Variants in BEND4 observed in about 807,000 individuals in gnomAD.
The protein encoded by BEND4 is BEN domain containing 4, also known as BEN domain-containing protein 4.
BEND4 carries 27 observed loss-of-function variants against 54.7 expected under a neutral mutation model. That is an observed-to-expected ratio of 0.49 (90% CI 0.36 to 0.68). The LOEUF (loss-of-function observed/expected upper bound fraction) is 0.68. BEND4 is among the 30% of genes least tolerant of loss of function. The pLI is 0.00. For missense variants in BEND4, 702 were observed against 697.2 expected, an observed-to-expected ratio of 1.01 and a Z score of -0.08; for synonymous variants, 327 against 299.5, an observed-to-expected ratio of 1.09 and a Z score of -0.95.
At chr4:42,120,719 G>A (rs1720022936) in intron 4 of BEND4, among the ~76,000 whole-genome samples, 1 of 152,068 alleles carries the variant, frequency 6.6e-6, no homozygotes, top group Admixed American at 6.5e-5. Context: ...TGATGCTGGT[G>A]ATCTATTTTA....
chr4:42,148,121 T>C (rs1044654672), intron 2 of BEND4, among the ~76,000 whole-genome samples: 1 of 150,888 alleles, frequency 6.6e-6, no homozygotes, highest in Non-Finnish European at 1.5e-5. Context: ...TCAAAATAGA[T>C]GATTTCCTTA....
At chr4:42,133,202 C>T (rs1720567928) in intron 3 of BEND4, among the ~76,000 whole-genome samples, 2 of 152,292 alleles carry the variant, frequency 1.3e-5, no homozygotes, top group Non-Finnish European at 2.9e-5. Context: ...GTTGACTGTG[C>T]CACCTTGGCA....
At chr4:42,147,060 G>C (rs60470232) in intron 2 of BEND4, among the ~76,000 whole-genome samples, 9,603 of 152,222 alleles carry the variant, frequency 0.063, 1,012 homozygotes, top group African/African-American at 0.22. Context: ...CTCAGAATAT[G>C]AGAGAATAGT....
Position 42,146,944 on chromosome 4 carries a change from G to C in BEND4, c.488-2950C>G, listed in dbSNP as rs1036875725. On this transcript the variant is annotated intron_variant, in intron 2 of 5. Coordinates refer to ENST00000502486, the MANE Select transcript of BEND4 (RefSeq NM_207406.4). The stretch of plus-strand genomic sequence containing the variant: ...TTTTAAGGGAAAAAAATCTGACTTA[G>C]GGACAAGCGTGATTTGTTTTCTTAA... Among the ~76,000 whole-genome samples the C allele has an allele frequency of 1.2e-4, 19 of 152,268 alleles. 1 individual carries two copies. The East Asian group carries it at 2.9e-3, about 23-fold the overall frequency.
chr4:42,115,785 T>G lies in BEND4; in HGVS notation c.*1733A>C, dbSNP rs1462215589. The G allele has an allele frequency of 1.3e-5, 2 of 152,252 alleles. No homozygotes were observed. The highest frequency in any genetic ancestry group is 4.8e-5 in the African/African-American group (2 of 41,468). 9.4% of individuals were successfully genotyped at this position (152,252 alleles called of 1,614,324 possible). On this transcript the variant is annotated 3_prime_UTR_variant, in exon 6 of 6. Coordinates refer to ENST00000502486, the MANE Select transcript of BEND4 (RefSeq NM_207406.4). ...GAACATGGCATTTGCCCATATCATT[T>G]CTTTTACTTCCAAATTTTAGCTAAT...
chr4:42,145,194 T>C (rs1282689623), intron 2 of BEND4, among the ~76,000 whole-genome samples: 1 of 152,136 alleles, frequency 6.6e-6, no homozygotes, highest in Non-Finnish European at 1.5e-5. Context: ...AGGGCTGCTA[T>C]GGGAAAAATA....
chr4:42,125,697 A>G, intron 3 of BEND4, 23 bp from the exon 4 acceptor site: 3 of 1,454,858 alleles, frequency 2.1e-6, no homozygotes, highest in Non-Finnish European at 2.8e-6. Context: ...AATGGCAACA[A>G]TTACACATTG....
At chr4:42,146,349 G>A (rs1172081723) in intron 2 of BEND4, among the ~76,000 whole-genome samples, 2 of 152,204 alleles carry the variant, frequency 1.3e-5, no homozygotes, top group Non-Finnish European at 2.9e-5. Flanking sequence ...TCCAAACCTG[G>A]TTACTGTGAA....
At chr4:42,139,004 T>C (rs2153146729) in intron 3 of BEND4, among the ~76,000 whole-genome samples, 1 of 152,306 alleles carries the variant, frequency 6.6e-6, no homozygotes, top group South Asian at 2.1e-4. Flanking sequence ...TGCCCTCTTT[T>C]ATGAGTTCTC....
chr4:42,135,354 ATTTCT>A (rs1478820947), intron 3 of BEND4, among the ~76,000 whole-genome samples: 1 of 152,236 alleles, frequency 6.6e-6, no homozygotes, highest in Non-Finnish European at 1.5e-5. Flanking sequence ...ACAACTTATG[ATTTCT>A]GGAGCACTAG....
chr4:42,143,148 T>G (rs938847059), intron 3 of BEND4, among the ~76,000 whole-genome samples: 6 of 152,196 alleles, frequency 3.9e-5, no homozygotes, highest in Admixed American at 1.3e-4. Flanking sequence ...ACACACCTTT[T>G]AATAGGACTA....
chr4:42,146,639 T>C (rs1721091700), intron 2 of BEND4, among the ~76,000 whole-genome samples: 1 of 152,222 alleles, frequency 6.6e-6, no homozygotes, highest in South Asian at 2.1e-4. Context: ...AAGGATGATA[T>C]TGATTGGGAA....
chr4:42,152,356 G>T lies in BEND4; in HGVS notation c.-213C>A. 3.0e-6 allele frequency: 1 copy of T among 333,764 alleles called. No individual in the cohort carries two copies. Among genetic ancestry groups the T allele is most frequent in the South Asian group, 1.4e-4 (1 of 7,328 alleles). The allele number at this position is 333,764 out of a possible 1,614,324, so 20.7% of individuals were successfully genotyped here. On this transcript the variant is annotated 5_prime_UTR_variant, in exon 2 of 6. Coordinates refer to ENST00000502486, the MANE Select transcript of BEND4 (RefSeq NM_207406.4). ...GGGGCTGCCGCCCGAGCTCCTGATT[G>T]ACAGGCTGCCTCGCCAATGCCTGGA... is the stretch of plus-strand genomic sequence containing the variant.
chr4:42,127,484 T>C (rs889834031), intron 3 of BEND4, among the ~76,000 whole-genome samples: 1 of 152,220 alleles, frequency 6.6e-6, no homozygotes, highest in Non-Finnish European at 1.5e-5. Context: ...TTTTTACTGA[T>C]GCCACAGTGA....
intron 3 of BEND4, among the ~76,000 whole-genome samples, chr4:42,134,660 C>G (rs566533849): frequency 1.3e-5 from 2 of 152,170 alleles, no homozygotes; most frequent in African/African-American, 4.8e-5. Context: ...CAATTTCCCA[C>G]GGTAACGATA....
intron 3 of BEND4, among the ~76,000 whole-genome samples, chr4:42,140,927 C>T (rs1720858367): frequency 6.6e-6 from 1 of 152,144 alleles, no homozygotes; most frequent in Non-Finnish European, 1.5e-5. Context: ...ATTTTCTGCC[C>T]CAGCTAAAGA....
At chr4:42,142,417 T>A (rs1479717004) in intron 3 of BEND4, among the ~76,000 whole-genome samples, 2 of 147,626 alleles carry the variant, frequency 1.4e-5, no homozygotes, top group Non-Finnish European at 3.0e-5. Flanking sequence ...GTCAGGAGTT[T>A]GAGACCAGTC....
At chr4:42,125,522 G>GT in intron 4 of BEND4, 61 bp downstream of exon 4, 1 of 1,311,908 alleles carries the variant, frequency 7.6e-7, no homozygotes, top group Non-Finnish European at 1.1e-6. Flanking sequence ...ACACTGATAA[G>GT]TTAATCAAGA....
chr4:42,112,294 T>C lies in BEND4; in HGVS notation c.*5224A>G, dbSNP rs762222452. Reference sequence around the variant, plus strand: ...GTAGCTGTGAGGATTAAAATGAGAATGCATTAAAGTACTTATCCAAGTAAC... The same window carrying C: ...GTAGCTGTGAGGATTAAAATGAGAACGCATTAAAGTACTTATCCAAGTAAC... On this transcript the variant is annotated 3_prime_UTR_variant, in exon 6 of 6. Transcript: ENST00000502486. The C allele has an allele frequency of 1.3e-5, 2 of 152,120 alleles. No homozygotes were observed. The highest frequency in any genetic ancestry group is 2.9e-5 in the Non-Finnish European group (2 of 68,010). 9.4% of individuals were successfully genotyped at this position (152,120 alleles called of 1,614,324 possible). A position where few individuals can be genotyped will look rare whatever the true frequency, so the allele number is the denominator to read the frequency against.
Sources: gnomAD v4.1 joint callset for allele counts (sites outside exome capture counted in the v4.1 genomes callset) on GRCh38, gnomAD v4.1.1 for gene constraint, MANE v1.5 for transcripts, NCBI Gene and HGNC (gene_info 2026-07-23, HGNC 2026-07-21) for gene names.